The following CC2D2B variants were observed in gnomAD, a reference collection of about 807,000 sequenced individuals.
CC2D2B encodes protein CC2D2B.
Under a neutral mutation model 161.2 loss-of-function variants are expected in CC2D2B, and 128 were observed. The observed-to-expected ratio is 0.79, with a 90% confidence interval of 0.69 to 0.92. The LOEUF (loss-of-function observed/expected upper bound fraction) is 0.92. Ranked by LOEUF, CC2D2B falls within the 40% of genes least tolerant of loss-of-function variation. CC2D2B has a pLI of 0.00. For missense variants in CC2D2B, 1,173 were observed against 1,375.1 expected, an observed-to-expected ratio of 0.85 and a Z score of 2.32; for synonymous variants, 391 against 449.8, an observed-to-expected ratio of 0.87 and a Z score of 1.65.
At chr10:96,000,036 C>T in intron 24 of CC2D2B, 2 of 1,416,760 alleles carry the variant, frequency 1.4e-6, no homozygotes. Context: ...ATGCCAACAG[C>T]ATGTTGGGTA....
At chr10:95,977,098 G>A (rs1301034903) in intron 17 of CC2D2B, among the ~76,000 whole-genome samples, 1 of 5,752 alleles carries the variant, frequency 1.7e-4, no homozygotes, top group Non-Finnish European at 3.1e-4. Flanking sequence ...CCAGCTGGGC[G>A]TGGTGGCTCA....
At chr10:96,000,192 AG>A (rs2078416339) in intron 24 of CC2D2B, 1 of 1,395,978 alleles carries the variant, frequency 7.2e-7, no homozygotes, top group South Asian at 1.8e-5. Flanking sequence ...GTTTTCTAAA[AG>A]GCCTAGAGAA....
At chr10:96,002,386 T>G (rs905876666) in intron 24 of CC2D2B, among the ~76,000 whole-genome samples, 1 of 151,994 alleles carries the variant, frequency 6.6e-6, no homozygotes, top group African/African-American at 2.4e-5. Flanking sequence ...TTATAAGTAA[T>G]AAATAATATT....
At position 96,017,184 on chromosome 10, in the gene CC2D2B, C is replaced by G. The variant is rs549856104; in HGVS notation, c.3630+870C>G. Reference sequence around the variant, plus strand: ...TATGCTTCTTCTACATTTGTACCACCAGAAAGCTATCATTTCTGAACTGTT... The same window carrying G: ...TATGCTTCTTCTACATTTGTACCACGAGAAAGCTATCATTTCTGAACTGTT... On this transcript the variant is annotated intron_variant, in intron 30 of 34. Coordinates refer to ENST00000646931, the MANE Select transcript of CC2D2B (RefSeq NM_001349008.3). 7.9e-5 allele frequency among the ~76,000 whole-genome samples: 12 copies of G among 152,302 alleles called. No homozygotes were observed. In the South Asian group the frequency reaches 1.9e-3, roughly 24 times the overall value.
chr10:95,968,694 G>A, intron 14 of CC2D2B, 30 bp from the exon 15 acceptor site: 2 of 984,516 alleles, frequency 2.0e-6, no homozygotes, highest in Non-Finnish European at 1.3e-6. Flanking sequence ...TACTTTTTAA[G>A]GGTGATTTAA....
chr10:95,930,404 T>C (rs1460680801), intron 6 of CC2D2B, among the ~76,000 whole-genome samples: 2 of 152,234 alleles, frequency 1.3e-5, no homozygotes, highest in Non-Finnish European at 2.9e-5. Context: ...TCTTGCCTGA[T>C]TTCCCTGGTC....
intron 19 of CC2D2B, among the ~76,000 whole-genome samples, chr10:95,987,166 A>C (rs906289594): frequency 1.3e-5 from 2 of 152,048 alleles, no homozygotes; most frequent in African/African-American, 2.4e-5. Flanking sequence ...TCTACTAAAA[A>C]TACAAAAATT....
chr10:96,026,197 A>G (rs2079767137), intron 33 of CC2D2B, among the ~76,000 whole-genome samples: 1 of 152,146 alleles, frequency 6.6e-6, no homozygotes, highest in Non-Finnish European at 1.5e-5. Context: ...TTCCTCTATA[A>G]CATACACTGC....
chr10:95,931,620 T>C (rs2141228671), intron 6 of CC2D2B, among the ~76,000 whole-genome samples: 1 of 152,334 alleles, frequency 6.6e-6, no homozygotes, highest in East Asian at 1.9e-4. Context: ...TATTTATTTC[T>C]GCCTTAATTT....
At chr10:95,970,176 G>C (rs903253386) in intron 15 of CC2D2B, among the ~76,000 whole-genome samples, 1 of 151,772 alleles carries the variant, frequency 6.6e-6, no homozygotes, top group African/African-American at 2.4e-5. Context: ...CTGGGATACA[G>C]ATGCCCACCA....
chr10:95,997,306 G>A (rs1448054957), intron 24 of CC2D2B, among the ~76,000 whole-genome samples: 1 of 151,822 alleles, frequency 6.6e-6, no homozygotes, highest in Admixed American at 6.6e-5. Flanking sequence ...GAACATTCTT[G>A]TACTTGTCCT....
At chr10:95,915,306 T>TG (rs2141119933) in intron 2 of CC2D2B, among the ~76,000 whole-genome samples, 1 of 152,340 alleles carries the variant, frequency 6.6e-6, no homozygotes, top group Non-Finnish European at 1.5e-5. Context: ...TAATTTTTTT[T>TG]TGTGAAGTCT....
chr10:95,914,507 C>T (rs990758666), intron 2 of CC2D2B, among the ~76,000 whole-genome samples: 13 of 152,138 alleles, frequency 8.5e-5, no homozygotes, highest in African/African-American at 3.1e-4. Context: ...TTATAATCCC[C>T]ATAATCCCCA....
At chr10:96,029,274 A>ATGTATATC (rs1329373718) in intron 34 of CC2D2B, among the ~76,000 whole-genome samples, 5,952 of 65,212 alleles carry the variant, frequency 0.091, 329 homozygotes, top group Middle Eastern at 0.16. Context: ...ATATATATAT[A>ATGTATATC]TATATATATA....
At chr10:95,933,664 C>G (rs1187851383) in intron 6 of CC2D2B, among the ~76,000 whole-genome samples, 2 of 152,140 alleles carry the variant, frequency 1.3e-5, no homozygotes, top group Non-Finnish European at 2.9e-5. Context: ...CTGGAGTTTG[C>G]TGGAGGTCCA....
At chr10:95,990,076 A>G (rs1372506459) in intron 20 of CC2D2B, among the ~76,000 whole-genome samples, 1 of 152,228 alleles carries the variant, frequency 6.6e-6, no homozygotes, top group African/African-American at 2.4e-5. Flanking sequence ...AGAGGGTAGC[A>G]CATCTCTTCA....
chr10:95,952,583 G>C (rs977682096), intron 10 of CC2D2B, among the ~76,000 whole-genome samples: 3 of 151,844 alleles, frequency 2.0e-5, no homozygotes, highest in Non-Finnish European at 2.9e-5. Context: ...ATCTTGTTAT[G>C]TTGCCCAGGC....
At chr10:95,961,152 A>G (rs570110119) in intron 11 of CC2D2B, among the ~76,000 whole-genome samples, 34 of 152,296 alleles carry the variant, frequency 2.2e-4, no homozygotes, top group Admixed American at 8.5e-4. Flanking sequence ...CACAATTATC[A>G]AAACGTAGGG....
intron 11 of CC2D2B, among the ~76,000 whole-genome samples, chr10:95,955,815 C>T (rs373023184): frequency 3.3e-5 from 5 of 152,118 alleles, no homozygotes; most frequent in Admixed American, 1.3e-4. Context: ...CACATTTACA[C>T]ATGTGCAAGA....
Sources: allele counts gnomAD v4.1 joint callset (sites outside exome capture counted in the v4.1 genomes callset), GRCh38; gene constraint gnomAD v4.1.1; transcripts MANE v1.5; gene names NCBI Gene and HGNC (gene_info 2026-07-23, HGNC 2026-07-21).